CACNB2: variants seen among roughly 807,000 people sequenced by gnomAD.
The protein encoded by CACNB2 is calcium voltage-gated channel auxiliary subunit beta 2, also known as voltage-dependent L-type calcium channel subunit beta-2.
CACNB2 carries 42 observed loss-of-function variants against 73.3 expected under a neutral mutation model. That is an observed-to-expected ratio of 0.57 (90% CI 0.45 to 0.74). The LOEUF (loss-of-function observed/expected upper bound fraction) is 0.74. CACNB2 is among the 30% of genes least tolerant of loss of function. The pLI is 0.00. For synonymous variants in CACNB2, 348 were observed against 310.3 expected (o/e 1.12, Z -1.28); for missense variants, 940 against 853.0 (o/e 1.10, Z -1.27).
chr10:18,243,729 A>G (rs1311615454), intron 2 of CACNB2, among the ~76,000 whole-genome samples: 1 of 152,248 alleles, frequency 6.6e-6, no homozygotes, highest in Non-Finnish European at 1.5e-5. Context: ...CTCTTGGCAC[A>G]TGATTTCTAC....
At chr10:18,397,950 T>G (rs1343873679) in intron 2 of CACNB2, among the ~76,000 whole-genome samples, 1 of 152,104 alleles carries the variant, frequency 6.6e-6, no homozygotes, top group African/African-American at 2.4e-5. Context: ...AAAGGAAATC[T>G]GGGTAGCTGA....
At position 18,497,086 on chromosome 10, in the gene CACNB2, C is replaced by A. The variant is rs557722285; in HGVS notation, c.334-1269C>A. On this transcript the variant is annotated intron_variant, in intron 3 of 13. Transcript: ENST00000324631. ...AATTAGCTGGGCGTGGTGGCTCACG[C>A]CTATAATCCAAGCTACTCGGGAGGC... is the stretch of plus-strand genomic sequence containing the variant. Among the ~76,000 whole-genome samples, 374 of 151,434 alleles carry A rather than the reference C, an allele frequency of 2.5e-3. 1 individual carries two copies. The highest frequency in any genetic ancestry group is 3.9e-3 in the Non-Finnish European group (266 of 67,852).
At chr10:18,181,269 T>C (rs2033864439) in intron 2 of CACNB2, among the ~76,000 whole-genome samples, 1 of 152,140 alleles carries the variant, frequency 6.6e-6, no homozygotes, top group African/African-American at 2.4e-5. Flanking sequence ...CAAAAGCTAG[T>C]CCACCCTCAC....
intron 3 of CACNB2, among the ~76,000 whole-genome samples, chr10:18,453,274 G>C (rs1177936136): frequency 1.3e-5 from 2 of 152,196 alleles, no homozygotes; most frequent in African/African-American, 2.4e-5. Flanking sequence ...TATTGTGACT[G>C]TCTATTACTC....
chr10:18,144,612 C>T (rs1366250463), intron 1 of CACNB2, among the ~76,000 whole-genome samples: 1 of 152,158 alleles, frequency 6.6e-6, no homozygotes, highest in Non-Finnish European at 1.5e-5. Flanking sequence ...CTTTTGAGCC[C>T]TTGAAATGTG....
chr10:18,521,228 C>G (rs1311108572), intron 9 of CACNB2, among the ~76,000 whole-genome samples: 1 of 152,220 alleles, frequency 6.6e-6, no homozygotes, highest in Non-Finnish European at 1.5e-5. Context: ...GCACAAGGTG[C>G]AGGTAGCATA....
chr10:18,496,056 G>C (rs2049792256), intron 3 of CACNB2, among the ~76,000 whole-genome samples: 1 of 151,750 alleles, frequency 6.6e-6, no homozygotes, highest in Non-Finnish European at 1.5e-5. Context: ...CATGATGGCG[G>C]GTGCCTGTAG....
chr10:18,179,549 T>C (rs989483311), intron 2 of CACNB2, among the ~76,000 whole-genome samples: 1 of 152,212 alleles, frequency 6.6e-6, no homozygotes, highest in Non-Finnish European at 1.5e-5. Context: ...TGCATGTTTA[T>C]CTTTTCATTA....
In CACNB2 at chr10:18,402,022, G is replaced by T. The variant is rs2044024503; in HGVS notation, c.312G>T (p.Gln104His). The T allele has an allele frequency of 1.2e-6, 2 of 1,613,894 alleles. No individual in the cohort carries two copies. The highest frequency in any genetic ancestry group is 2.7e-5 in the African/African-American group (2 of 74,930). ...AVRREAERQA[Q>H]AQLEKAKTKP... ...GCAGAGAAGCGGAGCGGCAGGCCCA[G>T]GCACAGTTGGAAAAAGCAAAGGTAA... The change falls in exon 3 of 14, where the codon CAG becomes CAT. Residue 104 changes from glutamine (Q) to histidine (H), a missense_variant. Transcript: ENST00000324631.
At chr10:18,274,800 A>C (rs541809345) in intron 2 of CACNB2, among the ~76,000 whole-genome samples, 1 of 152,360 alleles carries the variant, frequency 6.6e-6, no homozygotes, top group African/African-American at 2.4e-5. Flanking sequence ...GGACCAAAAA[A>C]ACACTTAAAA....
At chr10:18,255,626 CTGAA>C (rs2037253043) in intron 2 of CACNB2, among the ~76,000 whole-genome samples, 1 of 152,254 alleles carries the variant, frequency 6.6e-6, no homozygotes, top group Admixed American at 6.5e-5. Context: ...ATATTGTTGA[CTGAA>C]TGGATGGATA....
At chr10:18,504,919 A>G (rs2050407386) in intron 5 of CACNB2, among the ~76,000 whole-genome samples, 1 of 152,222 alleles carries the variant, frequency 6.6e-6, no homozygotes, top group Non-Finnish European at 1.5e-5. Context: ...TGTTGGGATT[A>G]CAGGCGTGAG....
At chr10:18,431,010 C>G (rs1053353271) in intron 3 of CACNB2, among the ~76,000 whole-genome samples, 2 of 152,166 alleles carry the variant, frequency 1.3e-5, no homozygotes, top group Non-Finnish European at 2.9e-5. Context: ...CAGGATCTCA[C>G]TCTGTCACCC....
At chr10:18,381,162 G>T (rs1190657753) in intron 2 of CACNB2, among the ~76,000 whole-genome samples, 1 of 151,090 alleles carries the variant, frequency 6.6e-6, no homozygotes, top group African/African-American at 2.4e-5. Context: ...GCCATTCCTT[G>T]GTTCTGTTGT....
At chr10:18,291,949 A>C (rs1218869845) in intron 2 of CACNB2, among the ~76,000 whole-genome samples, 1 of 152,192 alleles carries the variant, frequency 6.6e-6, no homozygotes, top group Non-Finnish European at 1.5e-5. Context: ...GTCACGGTGG[A>C]GTGCTTGCTA....
chr10:18,408,977 A>G (rs1220448128), intron 3 of CACNB2, among the ~76,000 whole-genome samples: 1 of 149,598 alleles, frequency 6.7e-6, no homozygotes, highest in African/African-American at 2.5e-5. Flanking sequence ...CTCAGCCTCC[A>G]GAATAGCTGG....
chr10:18,340,838 A>G, intron 2 of CACNB2: 1 of 1,613,354 alleles, frequency 6.2e-7, no homozygotes, highest in Non-Finnish European at 8.5e-7. Context: ...GCAAAGCAAG[A>G]CTTGGCTGCC....
intron 2 of CACNB2, among the ~76,000 whole-genome samples, chr10:18,292,276 C>T (rs929348163): frequency 1.3e-5 from 2 of 152,042 alleles, no homozygotes; most frequent in African/African-American, 4.8e-5. Flanking sequence ...TAAGTAATTG[C>T]CCTCAATCAA....
chr10:18,473,008 T>C (rs1455250666), intron 3 of CACNB2, among the ~76,000 whole-genome samples: 1 of 152,176 alleles, frequency 6.6e-6, no homozygotes, highest in Non-Finnish European at 1.5e-5. Flanking sequence ...CAATGGAGAG[T>C]TCCATTCCTG....
Sources: allele counts gnomAD v4.1 joint callset (sites outside exome capture counted in the v4.1 genomes callset), GRCh38; gene constraint gnomAD v4.1.1; transcripts MANE v1.5; gene names NCBI Gene and HGNC (gene_info 2026-07-23, HGNC 2026-07-21).